Variants in CERS6 observed in about 807,000 individuals in gnomAD.
CERS6 encodes LAG1 homolog, ceramide synthase 6.
In CERS6, 26 loss-of-function variants were observed where a neutral mutation model predicts 56.8. The ratio of observed to expected loss-of-function variants is 0.46; its 90% CI spans 0.34 to 0.63. CERS6 has a LOEUF of 0.63. Ranked by LOEUF, CERS6 falls within the 30% of genes least tolerant of loss-of-function variation. The pLI is 0.01. For synonymous variants in CERS6, 164 were observed against 173.3 expected (o/e 0.95, Z 0.42); for missense variants, 415 against 467.5 (o/e 0.89, Z 1.04).
At chr2:168,679,021 C>A (rs1325278106) in intron 4 of CERS6, among the ~76,000 whole-genome samples, 2 of 152,180 alleles carry the variant, frequency 1.3e-5, no homozygotes, top group African/African-American at 4.8e-5. Flanking sequence ...GAAATCCTGT[C>A]ATTTGTAGAA....
Position 168,774,951 on chromosome 2 carries a change from T to G in CERS6, c.*5289T>G, listed in dbSNP as rs561848545. ...TAAGACAATTCAGTGCTTGAGCATCTCTGTCAGAAATGGAATGAAATACTG... is the reference window on the plus strand; with the variant it reads ...TAAGACAATTCAGTGCTTGAGCATCGCTGTCAGAAATGGAATGAAATACTG... On this transcript the variant is annotated 3_prime_UTR_variant, in exon 10 of 10. Coordinates refer to ENST00000305747, the MANE Select transcript of CERS6 (RefSeq NM_203463.3). The G allele has an allele frequency of 6.6e-6, 1 of 152,356 alleles. No homozygotes were observed. Among genetic ancestry groups the G allele is most frequent in the Admixed American group, 6.5e-5 (1 of 15,304 alleles). 9.4% of individuals were successfully genotyped at this position (152,356 alleles called of 1,614,324 possible).
chr2:168,746,341 C>T (rs1684094912), intron 8 of CERS6, among the ~76,000 whole-genome samples: 1 of 152,144 alleles, frequency 6.6e-6, no homozygotes, highest in South Asian at 2.1e-4. Context: ...TTTATTGCTA[C>T]TTATCATCAA....
chr2:168,483,491 C>T (rs953478843), intron 1 of CERS6, among the ~76,000 whole-genome samples: 6 of 151,962 alleles, frequency 3.9e-5, no homozygotes, highest in Non-Finnish European at 5.9e-5. Context: ...TGTTTTTAAC[C>T]GAGAAAACAG....
chr2:168,772,481 A>G lies in CERS6; in HGVS notation c.*2819A>G, dbSNP rs1684889035. The G allele has an allele frequency of 6.6e-6, 1 of 152,562 alleles. No individual in the cohort carries two copies. The highest frequency in any genetic ancestry group is 2.1e-4 in the South Asian group (1 of 4,822). The allele number at this position is 152,562 out of a possible 1,614,324, so 9.5% of individuals were successfully genotyped here. A position where few individuals can be genotyped will look rare whatever the true frequency, so the allele number is the denominator to read the frequency against. The stretch of plus-strand genomic sequence containing the variant: ...AAATATCACTGACTCATCCCTACCC[A>G]TATTCTTTTCATAAAACCCACTCAC... On this transcript the variant is annotated 3_prime_UTR_variant, in exon 10 of 10. Transcript: ENST00000305747.
intron 4 of CERS6, among the ~76,000 whole-genome samples, chr2:168,658,477 T>C (rs1685547969): frequency 6.6e-6 from 1 of 152,184 alleles, no homozygotes; most frequent in African/African-American, 2.4e-5. Context: ...TGTGCCAGGC[T>C]CCTGACCCTC....
chr2:168,759,281 T>C (rs2105456193), intron 8 of CERS6, among the ~76,000 whole-genome samples: 1 of 152,284 alleles, frequency 6.6e-6, no homozygotes, highest in East Asian at 1.9e-4. Flanking sequence ...ATTCATTTGA[T>C]GGGATTTTTA....
chr2:168,725,278 TC>T (rs908886503), intron 8 of CERS6, among the ~76,000 whole-genome samples: 1 of 152,216 alleles, frequency 6.6e-6, no homozygotes, highest in Non-Finnish European at 1.5e-5. Context: ...CTCATGCCTC[TC>T]CCTCCATACC....
intron 3 of CERS6, among the ~76,000 whole-genome samples, chr2:168,563,375 G>C (rs1695826925): frequency 6.6e-6 from 1 of 152,178 alleles, no homozygotes; most frequent in Non-Finnish European, 1.5e-5. Flanking sequence ...GCAATGTGGA[G>C]GCACAATGAT....
chr2:168,534,545 C>T (rs985383177), intron 1 of CERS6, among the ~76,000 whole-genome samples: 6 of 151,976 alleles, frequency 3.9e-5, no homozygotes, highest in African/African-American at 9.7e-5. Context: ...GGCTCGCTCC[C>T]GCGTCGGGAG....
intron 3 of CERS6, among the ~76,000 whole-genome samples, chr2:168,581,298 C>T (rs558960972): frequency 1.3e-5 from 2 of 152,328 alleles, no homozygotes; most frequent in South Asian, 2.1e-4. Context: ...GGATTACAGG[C>T]GTGAGCCACC....
chr2:168,511,903 G>T (rs2105350856), intron 1 of CERS6, among the ~76,000 whole-genome samples: 1 of 151,434 alleles, frequency 6.6e-6, no homozygotes, highest in East Asian at 1.9e-4. Flanking sequence ...TGGATGAATG[G>T]GTATACAAAA....
intron 6 of CERS6, among the ~76,000 whole-genome samples, chr2:168,711,249 C>A (rs970787046): frequency 2.6e-5 from 4 of 152,170 alleles, no homozygotes; most frequent in African/African-American, 7.2e-5. Flanking sequence ...AAACCCCAAC[C>A]TGTAGTGACA....
intron 1 of CERS6, among the ~76,000 whole-genome samples, chr2:168,459,195 C>G (rs1693732801): frequency 6.6e-6 from 1 of 152,196 alleles, no homozygotes; most frequent in Non-Finnish European, 1.5e-5. Flanking sequence ...CTAAGAAATA[C>G]CCGATTATCC....
intron 4 of CERS6, among the ~76,000 whole-genome samples, chr2:168,683,792 T>A (rs1238131845): frequency 6.6e-6 from 1 of 152,176 alleles, no homozygotes; most frequent in Non-Finnish European, 1.5e-5. Context: ...AAGCGCCATA[T>A]CCCCAGACTC....
At chr2:168,563,158 C>A (rs1695822787) in intron 3 of CERS6, among the ~76,000 whole-genome samples, 1 of 152,112 alleles carries the variant, frequency 6.6e-6, no homozygotes, top group Non-Finnish European at 1.5e-5. Context: ...TGTACTTAGT[C>A]TGGGATGGCA....
At chr2:168,475,845 G>A (rs1275150052) in intron 1 of CERS6, among the ~76,000 whole-genome samples, 2 of 152,128 alleles carry the variant, frequency 1.3e-5, no homozygotes, top group Non-Finnish European at 2.9e-5. Context: ...TCTGTGGGTC[G>A]TGTTTGGTCT....
intron 1 of CERS6, among the ~76,000 whole-genome samples, chr2:168,500,111 C>G (rs925368941): frequency 6.6e-6 from 1 of 152,202 alleles, no homozygotes; most frequent in Non-Finnish European, 1.5e-5. Context: ...TAGGAAGTGC[C>G]TACAATACTA....
At chr2:168,621,850 A>G (rs1215232125) in intron 3 of CERS6, among the ~76,000 whole-genome samples, 1 of 152,250 alleles carries the variant, frequency 6.6e-6, no homozygotes, top group Non-Finnish European at 1.5e-5. Context: ...CCCTAAAAGC[A>G]TGAATACAAT....
intron 3 of CERS6, among the ~76,000 whole-genome samples, chr2:168,600,656 ATTTACCTTGTGTGTTTTCC>A (rs1413459261): frequency 1.3e-5 from 2 of 152,008 alleles, no homozygotes; most frequent in Non-Finnish European, 1.5e-5. Context: ...CCTTGATAAT[ATTTACCTTGTGTGTTTTCC>A]TGAGTTGTGG....
Sources: allele counts gnomAD v4.1 joint callset (sites outside exome capture counted in the v4.1 genomes callset), GRCh38; gene constraint gnomAD v4.1.1; transcripts MANE v1.5; gene names NCBI Gene and HGNC (gene_info 2026-07-23, HGNC 2026-07-21).